Variants in PARP11 observed in about 807,000 individuals in gnomAD.
The protein encoded by PARP11 is poly(ADP-ribose) polymerase family member 11, also known as protein mono-ADP-ribosyltransferase PARP11.
Under a neutral mutation model 42.9 loss-of-function variants are expected in PARP11, and 31 were observed. That is an observed-to-expected ratio of 0.72 (90% CI 0.54 to 0.98). The LOEUF (loss-of-function observed/expected upper bound fraction) is 0.98. Among genes scored for constraint, PARP11 ranks in the 50% least tolerant of loss-of-function variants. PARP11 has a pLI of 0.00. For synonymous variants in PARP11, 137 were observed against 127.3 expected (o/e 1.08, Z -0.51); for missense variants, 365 against 413.1 (o/e 0.88, Z 1.01).
Position 3,873,202 on chromosome 12 carries a change from G to A in PARP11, c.18+10C>T, listed in dbSNP as rs771175386. 4.8e-5 allele frequency: 42 copies of A among 878,494 alleles called. No individual in the cohort carries two copies. In the Admixed American group the frequency reaches 8.4e-4, roughly 18 times the overall value. 54.4% of individuals were successfully genotyped at this position (878,494 alleles called of 1,614,324 possible). ...CCCCTGGGCCCGCCCCGTCCCGCCCGGCTACTCACTGGATTCGCTTCCCAC... is the reference window on the plus strand; with the variant it reads ...CCCCTGGGCCCGCCCCGTCCCGCCCAGCTACTCACTGGATTCGCTTCCCAC... On this transcript the variant is annotated intron_variant, in intron 1 of 7. Coordinates refer to ENST00000228820, the MANE Select transcript of PARP11 (RefSeq NM_020367.6).
At chr12:3,862,469 A>G (rs7967785) in intron 1 of PARP11, among the ~76,000 whole-genome samples, 18,198 of 150,380 alleles carry the variant, frequency 0.12, 1,695 homozygotes, top group East Asian at 0.25. Flanking sequence ...AAATATATGT[A>G]TTTTTTTTTC....
chr12:3,853,965 C>T (rs1353645477), intron 1 of PARP11, among the ~76,000 whole-genome samples: 1 of 152,180 alleles, frequency 6.6e-6, no homozygotes, highest in East Asian at 1.9e-4. Context: ...CAAATTAGAA[C>T]TCAGGATTAA....
At chr12:3,870,231 C>T (rs978674380) in intron 1 of PARP11, among the ~76,000 whole-genome samples, 4 of 152,052 alleles carry the variant, frequency 2.6e-5, no homozygotes, top group African/African-American at 9.7e-5. Flanking sequence ...AACCAAATTG[C>T]GCTTACTGAT....
At position 3,842,429 on chromosome 12, in the gene PARP11, A is replaced by G. The variant is rs560019300; in HGVS notation, c.19-12411T>C. Reference sequence around the variant, plus strand: ...AGCAGAAGTCGGGATGAAGGTTATCAGTACCATCGAAATGTCAGAGGGCGA... The same window carrying G: ...AGCAGAAGTCGGGATGAAGGTTATCGGTACCATCGAAATGTCAGAGGGCGA... On this transcript the variant is annotated intron_variant, in intron 1 of 7. Transcript: ENST00000228820. 1.2e-5 allele frequency: 20 copies of G among 1,607,442 alleles called. No homozygotes were observed. The South Asian group carries it at 2.2e-4, about 18-fold the overall frequency.
intron 1 of PARP11, among the ~76,000 whole-genome samples, chr12:3,868,065 C>T (rs1948420573): frequency 6.6e-6 from 1 of 152,130 alleles, no homozygotes; most frequent in Admixed American, 6.5e-5. Flanking sequence ...GTCTAACCTA[C>T]ATCTCAAACT....
intron 1 of PARP11, among the ~76,000 whole-genome samples, chr12:3,836,448 T>C (rs925535437): frequency 3.9e-5 from 6 of 152,210 alleles, no homozygotes; most frequent in African/African-American, 1.4e-4. Context: ...AATTCACTGC[T>C]AGCAAACTTG....
rs1948414901 is a variant in PARP11 at position 3,867,648 on chromosome 12, T to C, written c.18+5564A>G. Among the ~76,000 whole-genome samples the C allele has an allele frequency of 2.0e-5, 3 of 152,218 alleles. No homozygotes were observed. The South Asian group carries it at 6.2e-4, about 32-fold the overall frequency. On this transcript the variant is annotated intron_variant, in intron 1 of 7. Coordinates refer to ENST00000228820, the MANE Select transcript of PARP11 (RefSeq NM_020367.6). ...AAATGGCTCAATTGCTAGGATGTGA[T>C]TCCTTCCCAAAACCTGATGGTTTTC...
At chr12:3,871,540 T>G (rs372876081) in intron 1 of PARP11, among the ~76,000 whole-genome samples, 1 of 152,202 alleles carries the variant, frequency 6.6e-6, no homozygotes, top group Non-Finnish European at 1.5e-5. Context: ...CTCTATGACG[T>G]TGGCACAATG....
At chr12:3,870,427 AAACCC>A (rs944714021) in intron 1 of PARP11, among the ~76,000 whole-genome samples, 1 of 152,240 alleles carries the variant, frequency 6.6e-6, no homozygotes, top group Non-Finnish European at 1.5e-5. Flanking sequence ...ATTTCAAAGA[AAACCC>A]ATTGCTTACA....
In PARP11 at chr12:3,814,233, C is replaced by T. The variant is rs763913162; in HGVS notation, c.549-45G>A. The T allele has an allele frequency of 1.2e-5, 17 of 1,435,392 alleles. No homozygotes were observed. In the South Asian group the frequency reaches 1.6e-4, roughly 13 times the overall value. The allele number at this position is 1,435,392 out of a possible 1,614,324, so 88.9% of individuals were successfully genotyped here. On this transcript the variant is annotated intron_variant, in intron 6 of 7. Transcript: ENST00000228820. ...AGACACAAAAGCACACAGAAATATA[C>T]CATAAGTAGCATTTATTAATCTTAA...
At chr12:3,836,034 CAT>C (rs1424411594) in intron 1 of PARP11, among the ~76,000 whole-genome samples, 131 of 150,770 alleles carry the variant, frequency 8.7e-4, no homozygotes, top group African/African-American at 1.8e-3. Context: ...TACACACACA[CAT>C]ATATATATAT....
intron 1 of PARP11, among the ~76,000 whole-genome samples, chr12:3,833,112 G>A (rs531796770): frequency 6.6e-6 from 1 of 152,272 alleles, no homozygotes; most frequent in South Asian, 2.1e-4. Context: ...ATAAATTTTA[G>A]TTTACTACAA....
At chr12:3,814,443 TG>T (rs1947244993) in intron 6 of PARP11, among the ~76,000 whole-genome samples, 1 of 152,202 alleles carries the variant, frequency 6.6e-6, no homozygotes, top group African/African-American at 2.4e-5. Context: ...AGTTATCCCA[TG>T]CTATGCCCCA....
At chr12:3,841,496 G>A in intron 1 of PARP11, 1 of 1,518,800 alleles carries the variant, frequency 6.6e-7, no homozygotes, top group East Asian at 2.3e-5. Context: ...ACTGAGGCTA[G>A]TGTTAATGGT....
At chr12:3,812,932 A>G (rs1380417690) in intron 7 of PARP11, among the ~76,000 whole-genome samples, 1 of 151,974 alleles carries the variant, frequency 6.6e-6, no homozygotes, top group Non-Finnish European at 1.5e-5. Flanking sequence ...CCTCCTGAGT[A>G]GCTGGGATTA....
chr12:3,828,724 C>A (rs1947579439), intron 3 of PARP11, among the ~76,000 whole-genome samples, 186 bp downstream of exon 3: 2 of 151,920 alleles, frequency 1.3e-5, no homozygotes, highest in Non-Finnish European at 2.9e-5. Flanking sequence ...TATAAACACA[C>A]CTTTTATAAA....
rs896788840 is a variant in PARP11 at position 3,811,632 on chromosome 12, TCCC to T, written c.*488_*490del. 2.6e-5 allele frequency: 4 copies of T among 152,522 alleles called. No individual in the cohort carries two copies. Among genetic ancestry groups the T allele is most frequent in the African/African-American group, 9.7e-5 (4 of 41,400 alleles). The allele number at this position is 152,522 out of a possible 1,614,324, so 9.4% of individuals were successfully genotyped here. ...GCTCAGACTGTTTCAGAGTTTTAAA[TCCC>T]CCCTTCAGAAGACCAACAAAGCAAC... On this transcript the variant is annotated 3_prime_UTR_variant, in exon 8 of 8. Coordinates refer to ENST00000228820, the MANE Select transcript of PARP11 (RefSeq NM_020367.6).
intron 1 of PARP11, among the ~76,000 whole-genome samples, chr12:3,869,299 C>A (rs1465715608): frequency 1.3e-5 from 2 of 152,168 alleles, no homozygotes; most frequent in East Asian, 3.8e-4. Flanking sequence ...TTACGTCTAC[C>A]ATATTTTCTA....
chr12:3,873,192 C>T lies in PARP11; in HGVS notation c.18+20G>A, dbSNP rs913639068. On this transcript the variant is annotated intron_variant, in intron 1 of 7. Transcript: ENST00000228820. Reference sequence around the variant, plus strand: ...TCAACCCCGCCCCCTGGGCCCGCCCCGTCCCGCCCGGCTACTCACTGGATT... The same window carrying T: ...TCAACCCCGCCCCCTGGGCCCGCCCTGTCCCGCCCGGCTACTCACTGGATT... 5.8e-6 allele frequency: 9 copies of T among 1,542,604 alleles called. No individual in the cohort carries two copies. The African/African-American group carries it at 1.2e-4, about 21-fold the overall frequency.
Sources: allele counts gnomAD v4.1 joint callset (sites outside exome capture counted in the v4.1 genomes callset), GRCh38; gene constraint gnomAD v4.1.1; transcripts MANE v1.5; gene names NCBI Gene and HGNC (gene_info 2026-07-23, HGNC 2026-07-21).